TIAM2: variants seen among roughly 807,000 people sequenced by gnomAD.
TIAM2 encodes rho guanine nucleotide exchange factor TIAM2.
TIAM2 carries 80 observed loss-of-function variants against 152.9 expected under a neutral mutation model. The observed-to-expected ratio is 0.52, with a 90% CI of 0.44 to 0.63. The LOEUF is 0.63. Ranked by LOEUF, TIAM2 falls within the 30% of genes least tolerant of loss-of-function variation. TIAM2 has a pLI of 0.00. For missense variants in TIAM2, 1,965 were observed against 2,120.1 expected, an observed-to-expected ratio of 0.93 and a Z score of 1.44; for synonymous variants, 804 against 838.0, an observed-to-expected ratio of 0.96 and a Z score of 0.70.
chr6:155,092,946 G>T (rs1778336698), intron 2 of TIAM2, among the ~76,000 whole-genome samples: 1 of 152,174 alleles, frequency 6.6e-6, no homozygotes, highest in African/African-American at 2.4e-5. Context: ...TGGAGAATTT[G>T]TTTTGCATTG....
intron 1 of TIAM2, among the ~76,000 whole-genome samples, chr6:155,055,327 G>C (rs1031668210): frequency 6.6e-6 from 1 of 152,114 alleles, no homozygotes; most frequent in Non-Finnish European, 1.5e-5. Flanking sequence ...CTGTACAAAA[G>C]TTCTCCAAAG....
chr6:155,018,272 G>GAT (rs1303910777), intron 1 of TIAM2, among the ~76,000 whole-genome samples: 13 of 147,824 alleles, frequency 8.8e-5, no homozygotes, highest in Admixed American at 2.1e-4. Context: ...TGTGCAGATA[G>GAT]ATATATATAT....
At chr6:155,192,474 C>T (rs904267533) in intron 14 of TIAM2, among the ~76,000 whole-genome samples, 2 of 152,082 alleles carry the variant, frequency 1.3e-5, no homozygotes. Context: ...TTATTGAGGG[C>T]CCTAAAGAGC....
chr6:155,256,288 A>G, intron 26 of TIAM2, 196 bp from the exon 27 acceptor site: 1 of 744,900 alleles, frequency 1.3e-6, no homozygotes. Flanking sequence ...TGCCTAACTT[A>G]CAACTGTAAA....
chr6:155,076,889 T>A (rs772779238), intron 1 of TIAM2, among the ~76,000 whole-genome samples: 10 of 152,126 alleles, frequency 6.6e-5, no homozygotes, highest in Admixed American at 6.5e-4. Flanking sequence ...AGAGACGGAG[T>A]TCTGCCATGT....
At position 155,114,036 on chromosome 6, in the gene TIAM2, ATTTTTTTTTTTTTCT is replaced by A. The variant is rs1435994261; in HGVS notation, c.-117-13440_-117-13426del. On this transcript the variant is annotated intron_variant, in intron 2 of 26. Coordinates refer to ENST00000682666, the MANE Select transcript of TIAM2 (RefSeq NM_012454.4). ...ACTTTATATATATATATATATATATATTTTTTTTTTTTTCTTTTTTTTTTTTTTTTTTTTTGAAAT... is the reference window on the plus strand; with the variant it reads ...ACTTTATATATATATATATATATATATTTTTTTTTTTTTTTTTTTTGAAAT... Among the ~76,000 whole-genome samples, 55 of 34,894 alleles carry A rather than the reference ATTTTTTTTTTTTTCT, an allele frequency of 1.6e-3. 1 individual carries two copies. The highest frequency in any genetic ancestry group is 5.3e-3 in the African/African-American group (47 of 8,902). The allele number at this position is 34,894 out of a possible 152,430, so 22.9% of individuals were successfully genotyped here. A position where few individuals can be genotyped will look rare whatever the true frequency, so the allele number is the denominator to read the frequency against.
Position 155,185,123 on chromosome 6 carries a change from C to CTTTTTTT in TIAM2, c.3064+1640_3064+1646dup, listed in dbSNP as rs11404301. On this transcript the variant is annotated intron_variant, in intron 14 of 26. Transcript: ENST00000682666. ...AAAGTAGAGAAAGGGGCAAATTTAC[C>CTTTTTTT]TTTTTTTTTTTTTTTTTTTTTTTGA... is the stretch of plus-strand genomic sequence containing the variant. Among the ~76,000 whole-genome samples, 376 of 92,384 alleles carry CTTTTTTT rather than the reference C, an allele frequency of 4.1e-3. 9 individuals carry two copies. The highest frequency in any genetic ancestry group is 0.015 in the African/African-American group (350 of 22,720). The allele number at this position is 92,384 out of a possible 152,430, so 60.6% of individuals were successfully genotyped here.
chr6:155,227,909 G>A (rs890413931), intron 15 of TIAM2, among the ~76,000 whole-genome samples: 7 of 152,312 alleles, frequency 4.6e-5, no homozygotes, highest in Non-Finnish European at 1.0e-4. Context: ...TGGAATGGGC[G>A]CAACCGAATT....
intron 1 of TIAM2, among the ~76,000 whole-genome samples, chr6:155,017,857 T>C (rs1404958592): frequency 6.6e-6 from 1 of 151,986 alleles, no homozygotes; most frequent in Admixed American, 6.6e-5. Context: ...GTTTTAAGTG[T>C]TTACCCCTCT....
chr6:155,158,804 C>G (rs1240748813), intron 7 of TIAM2, among the ~76,000 whole-genome samples: 1 of 146,070 alleles, frequency 6.8e-6, no homozygotes, highest in Non-Finnish European at 1.5e-5. Context: ...TATATCATAT[C>G]TTGATGTTTA....
chr6:155,173,690 G>A (rs553444197), intron 9 of TIAM2, among the ~76,000 whole-genome samples: 61 of 152,312 alleles, frequency 4.0e-4, no homozygotes, highest in African/African-American at 1.0e-3. Flanking sequence ...TAATGGCTGA[G>A]GGAGAATGAG....
intron 18 of TIAM2, 48 bp from the exon 19 acceptor site, chr6:155,245,575 G>T: frequency 1.4e-6 from 2 of 1,455,300 alleles, no homozygotes; most frequent in Non-Finnish European, 1.9e-6. Context: ...AAGCCAGCAC[G>T]CATTGATTAA....
chr6:155,068,647 G>A (rs1180554528), intron 1 of TIAM2, among the ~76,000 whole-genome samples: 1 of 146,322 alleles, frequency 6.8e-6, no homozygotes, highest in African/African-American at 2.5e-5. Flanking sequence ...TGTAGAGATC[G>A]GGTTTCACCA....
chr6:155,131,616 G>A (rs987757953), intron 4 of TIAM2, among the ~76,000 whole-genome samples: 10 of 148,956 alleles, frequency 6.7e-5, no homozygotes, highest in Non-Finnish European at 8.9e-5. Flanking sequence ...GTATCGCTCC[G>A]TTGTACAGGC....
intron 6 of TIAM2, among the ~76,000 whole-genome samples, chr6:155,145,824 A>G (rs1779808521): frequency 6.6e-6 from 1 of 152,136 alleles, no homozygotes; most frequent in Non-Finnish European, 1.5e-5. Flanking sequence ...TGCTGGGTTA[A>G]GCTCCCTGGG....
At chr6:155,126,206 G>T (rs1779291599) in intron 2 of TIAM2, among the ~76,000 whole-genome samples, 1 of 152,188 alleles carries the variant, frequency 6.6e-6, no homozygotes, top group African/African-American at 2.4e-5. Context: ...ATTATACTAA[G>T]TGAAATAAGC....
chr6:155,250,534 T>G, intron 21 of TIAM2: 1 of 1,535,774 alleles, frequency 6.5e-7, no homozygotes, highest in East Asian at 2.4e-5. Flanking sequence ...TGCTCTTTTA[T>G]CAGCAGCCCG....
chr6:155,023,492 C>T (rs1776539034), intron 1 of TIAM2, among the ~76,000 whole-genome samples: 1 of 152,124 alleles, frequency 6.6e-6, no homozygotes, highest in African/African-American at 2.4e-5. Context: ...GGATCTAGTG[C>T]CTGACCGAAC....
In TIAM2 at chr6:155,067,580, C is replaced by T. The variant is rs559319017; in HGVS notation, c.-208-22709C>T. The stretch of plus-strand genomic sequence containing the variant: ...CATTTCCACTCCCTCCTAAGCTTCC[C>T]TTTCCCCTGTTGTCTGCTTTGTGCT... On this transcript the variant is annotated intron_variant, in intron 1 of 26. Coordinates refer to ENST00000682666, the MANE Select transcript of TIAM2 (RefSeq NM_012454.4). 3.9e-5 allele frequency among the ~76,000 whole-genome samples: 6 copies of T among 152,184 alleles called. No homozygotes were observed. In the South Asian group the frequency reaches 1.2e-3, roughly 32 times the overall value.
Sources: allele counts gnomAD v4.1 joint callset (sites outside exome capture counted in the v4.1 genomes callset), GRCh38; gene constraint gnomAD v4.1.1; transcripts MANE v1.5; gene names NCBI Gene and HGNC (gene_info 2026-07-23, HGNC 2026-07-21).